ANTXR1: variants seen among roughly 807,000 people sequenced by gnomAD.
The protein encoded by ANTXR1 is ANTXR cell adhesion molecule 1.
In ANTXR1, 19 loss-of-function variants were observed where a neutral mutation model predicts 78.1. The ratio of observed to expected loss-of-function variants is 0.24; its 90% CI spans 0.17 to 0.36. The LOEUF (loss-of-function observed/expected upper bound fraction) is 0.36, where lower values mean the gene tolerates loss of function less well. ANTXR1 is among the 10% of genes least tolerant of loss of function. The probability of loss-of-function intolerance (pLI) is 1.00; values close to 1 mark genes in which losing one functional copy is unlikely to be tolerated. For missense variants in ANTXR1, 518 were observed against 718.6 expected (o/e 0.72, Z 3.19); for synonymous variants, 273 against 260.5 (o/e 1.05, Z -0.46).
intron 17 of ANTXR1, among the ~76,000 whole-genome samples, chr2:69,222,918 G>A (rs1675355324): frequency 6.6e-6 from 1 of 152,144 alleles, no homozygotes; most frequent in Non-Finnish European, 1.5e-5. Context: ...GATGCTTTTT[G>A]TGCTCTTTAA....
chr2:69,105,437 A>C (rs535189136), intron 10 of ANTXR1, among the ~76,000 whole-genome samples: 1 of 152,372 alleles, frequency 6.6e-6, no homozygotes, highest in East Asian at 1.9e-4. Flanking sequence ...TATTAAAAAT[A>C]TTCTAAGGGG....
rs1676034534 is a variant in ANTXR1 at position 69,246,904 on chromosome 2, C to T, written c.*1419C>T. 1 of 152,170 alleles carries T rather than the reference C, an allele frequency of 6.6e-6. No homozygotes were observed. The highest frequency in any genetic ancestry group is 1.5e-5 in the Non-Finnish European group (1 of 68,040). The allele number at this position is 152,170 out of a possible 1,614,324, so 9.4% of individuals were successfully genotyped here. A position where few individuals can be genotyped will look rare whatever the true frequency, so the allele number is the denominator to read the frequency against. On this transcript the variant is annotated 3_prime_UTR_variant, in exon 18 of 18. Transcript: ENST00000303714. ...TCCTAAAATTCCTGTCCCAAGCCACCCAAATTCTCAGATCTTTTCTGGAAC... is the reference window on the plus strand; with the variant it reads ...TCCTAAAATTCCTGTCCCAAGCCACTCAAATTCTCAGATCTTTTCTGGAAC...
rs1167576942 is a variant in ANTXR1, at chr2:69,054,227, G to A, written c.296+9414G>A. ...ATGGCCACTGTCATGTGAAAGTGTA[G>A]GAACCTGAATTTGAACTCAAGAAGC... On this transcript the variant is annotated intron_variant, in intron 3 of 17. Transcript: ENST00000303714. Among the ~76,000 whole-genome samples the A allele has an allele frequency of 2.0e-5, 3 of 152,182 alleles. No homozygotes were observed. In the East Asian group the frequency reaches 5.8e-4, roughly 29 times the overall value.
At chr2:69,022,033 A>T (rs569057497) in intron 1 of ANTXR1, among the ~76,000 whole-genome samples, 50 of 152,282 alleles carry the variant, frequency 3.3e-4, no homozygotes, top group African/African-American at 1.1e-3. Flanking sequence ...GTAGAAATGG[A>T]GATTAGACAT....
chr2:69,194,176 T>C (rs1306852048), intron 17 of ANTXR1, among the ~76,000 whole-genome samples: 1 of 152,240 alleles, frequency 6.6e-6, no homozygotes, highest in East Asian at 1.9e-4. Context: ...TAACTTACAC[T>C]GGAAACAACC....
At chr2:69,161,490 G>A (rs1463108810) in intron 13 of ANTXR1, among the ~76,000 whole-genome samples, 4 of 152,180 alleles carry the variant, frequency 2.6e-5, no homozygotes, top group Non-Finnish European at 5.9e-5. Flanking sequence ...CTTTTACAGT[G>A]TAAAATTACT....
chr2:69,188,483 C>A (rs1558632980), intron 16 of ANTXR1, among the ~76,000 whole-genome samples: 1 of 152,226 alleles, frequency 6.6e-6, no homozygotes, highest in Non-Finnish European at 1.5e-5. Flanking sequence ...CTAGAGTTTA[C>A]ATAGAACTTC....
intron 12 of ANTXR1, among the ~76,000 whole-genome samples, chr2:69,138,755 T>A (rs916564298): frequency 2.6e-5 from 4 of 152,172 alleles, no homozygotes; most frequent in South Asian, 2.1e-4. Flanking sequence ...TTTCATTTTT[T>A]AAAAAAATAA....
intron 12 of ANTXR1, chr2:69,145,612 T>A (rs1573930974): frequency 7.5e-7 from 1 of 1,335,554 alleles, no homozygotes; most frequent in Non-Finnish European, 9.6e-7. Context: ...ATTGGCTACA[T>A]AATCACTCCA....
intron 17 of ANTXR1, among the ~76,000 whole-genome samples, chr2:69,201,827 G>T (rs868315239): frequency 6.6e-6 from 1 of 152,140 alleles, no homozygotes; most frequent in East Asian, 1.9e-4. Context: ...TTAACTTGTG[G>T]AGTTCACAGT....
At chr2:69,046,371 G>T (rs1389614743) in intron 3 of ANTXR1, among the ~76,000 whole-genome samples, 1 of 152,128 alleles carries the variant, frequency 6.6e-6, no homozygotes, top group Non-Finnish European at 1.5e-5. Flanking sequence ...ACCCATTGTG[G>T]TTTGTTATGC....
chr2:69,041,506 G>A (rs1287978010), intron 2 of ANTXR1, among the ~76,000 whole-genome samples: 1 of 152,186 alleles, frequency 6.6e-6, no homozygotes, highest in Non-Finnish European at 1.5e-5. Flanking sequence ...TGAAGTGGAG[G>A]AGTCTAGTGG....
chr2:69,047,479 T>C (rs1336276020), intron 3 of ANTXR1, among the ~76,000 whole-genome samples: 2 of 152,224 alleles, frequency 1.3e-5, no homozygotes, highest in African/African-American at 2.4e-5. Flanking sequence ...ATGTGTCGTT[T>C]TTCTCTGTTT....
chr2:69,217,640 G>A (rs1277660520), intron 17 of ANTXR1, among the ~76,000 whole-genome samples: 2 of 152,174 alleles, frequency 1.3e-5, no homozygotes, highest in Non-Finnish European at 2.9e-5. Flanking sequence ...TCAGCACAGT[G>A]GCTGGTGCAT....
At chr2:69,020,697 T>C (rs937777587) in intron 1 of ANTXR1, among the ~76,000 whole-genome samples, 4 of 152,224 alleles carry the variant, frequency 2.6e-5, no homozygotes, top group African/African-American at 9.7e-5. Context: ...GACTGGATCT[T>C]GCCTCTCCCC....
At position 69,130,031 on chromosome 2, in the gene ANTXR1, T is replaced by C. The variant is rs534887762; in HGVS notation, c.951+5388T>C. On this transcript the variant is annotated intron_variant, in intron 12 of 17. Transcript: ENST00000303714. ...CTCCCAGACCATGACTTTGTTGTTG[T>C]TTTTCCTTCTTGTTTTGCATCCATT... Among the ~76,000 whole-genome samples, 124 of 152,320 alleles carry C rather than the reference T, an allele frequency of 8.1e-4. 1 individual carries two copies. The South Asian group carries it at 9.5e-3, about 12-fold the overall frequency.
chr2:69,014,676 C>T (rs1037719893), intron 1 of ANTXR1, among the ~76,000 whole-genome samples: 9 of 152,148 alleles, frequency 5.9e-5, no homozygotes, highest in Non-Finnish European at 1.3e-4. Flanking sequence ...GTGAGCTCTC[C>T]AGTGCCAGGA....
intron 2 of ANTXR1, 37 bp from the exon 3 acceptor site, chr2:69,044,705 T>C (rs746597925): frequency 1.0e-5 from 16 of 1,606,474 alleles, no homozygotes; most frequent in Non-Finnish European, 1.4e-5. Flanking sequence ...TGCGCAGTCT[T>C]ATTGTCTGTC....
chr2:69,046,194 T>C (rs79383704), intron 3 of ANTXR1, among the ~76,000 whole-genome samples: 1 of 152,160 alleles, frequency 6.6e-6, no homozygotes, highest in Non-Finnish European at 1.5e-5. Context: ...GGCTTCCTAG[T>C]GCAGCTTCAT....
Sources: gnomAD v4.1 joint callset for allele counts (sites outside exome capture counted in the v4.1 genomes callset) on GRCh38, gnomAD v4.1.1 for gene constraint, MANE v1.5 for transcripts, NCBI Gene and HGNC (gene_info 2026-07-23, HGNC 2026-07-21) for gene names.